Variants in STX8 observed in about 807,000 individuals in gnomAD.
STX8 encodes syntaxin-8.
Under a neutral mutation model 37.5 loss-of-function variants are expected in STX8, and 23 were observed. That is an observed-to-expected ratio of 0.61 (90% CI 0.44 to 0.87). STX8 has a LOEUF of 0.87. Ranked by LOEUF, STX8 falls within the 40% of genes least tolerant of loss-of-function variation. STX8 has a pLI of 0.00. For synonymous variants in STX8, 115 were observed against 99.1 expected (o/e 1.16, Z -0.95); for missense variants, 313 against 284.7 (o/e 1.10, Z -0.71).
rs116507832 is a variant in STX8, at chr17:9,367,704, T to C, written c.643+10848A>G. On this transcript the variant is annotated intron_variant, in intron 7 of 7. Transcript: ENST00000306357. ...ATGGTACTCACCATTAGAAGTAAAATATAGCATAATGTTAAAAAACAGAAG... is the reference window on the plus strand; with the variant it reads ...ATGGTACTCACCATTAGAAGTAAAACATAGCATAATGTTAAAAAACAGAAG... 7.6e-3 allele frequency among the ~76,000 whole-genome samples: 1,158 copies of C among 152,244 alleles called. 21 individuals carry two copies. Among genetic ancestry groups the C allele is most frequent in the African/African-American group, 0.026 (1,096 of 41,550 alleles).
intron 2 of STX8, among the ~76,000 whole-genome samples, chr17:9,562,219 C>T (rs1489934440): frequency 1.3e-5 from 2 of 151,364 alleles, no homozygotes; most frequent in Non-Finnish European, 2.9e-5. Context: ...CTGGCTAATA[C>T]GGTGAAACCC....
At chr17:9,570,720 G>C (rs1022615325) in intron 1 of STX8, among the ~76,000 whole-genome samples, 1 of 152,074 alleles carries the variant, frequency 6.6e-6, no homozygotes, top group African/African-American at 2.4e-5. Context: ...CTGGGGTCCA[G>C]ACCATACATA....
At chr17:9,458,295 G>A (rs1567569719) in intron 6 of STX8, among the ~76,000 whole-genome samples, 1 of 150,978 alleles carries the variant, frequency 6.6e-6, no homozygotes, top group Non-Finnish European at 1.5e-5. Context: ...GACTACAGGC[G>A]ACCACTGCCA....
At chr17:9,434,225 G>A (rs975006842) in intron 6 of STX8, among the ~76,000 whole-genome samples, 3 of 152,102 alleles carry the variant, frequency 2.0e-5, no homozygotes, top group African/African-American at 4.8e-5. Context: ...GGAGGGTCTC[G>A]ATCTCTGGAC....
At chr17:9,503,664 G>GC (rs992428224) in intron 5 of STX8, among the ~76,000 whole-genome samples, 1 of 151,980 alleles carries the variant, frequency 6.6e-6, no homozygotes, top group African/African-American at 2.4e-5. Context: ...GTGCCACCAG[G>GC]CCTGGCAATA....
intron 7 of STX8, among the ~76,000 whole-genome samples, chr17:9,286,954 G>C (rs1908095026): frequency 6.6e-6 from 1 of 152,126 alleles, no homozygotes. Context: ...TGTGATATGG[G>C]AATGACATTA....
At chr17:9,368,276 G>C (rs1385396376) in intron 7 of STX8, among the ~76,000 whole-genome samples, 2 of 152,042 alleles carry the variant, frequency 1.3e-5, no homozygotes, top group Admixed American at 1.3e-4. Context: ...AGGCCGAGGA[G>C]GGCCAATCAC....
At chr17:9,542,679 A>AAAATAAATAAAT (rs375475612) in intron 4 of STX8, among the ~76,000 whole-genome samples, 40 of 151,170 alleles carry the variant, frequency 2.6e-4, no homozygotes, top group African/African-American at 9.0e-4. Flanking sequence ...TCCATCTCAA[A>AAAATAAATAAAT]AAATAAATAA....
chr17:9,430,041 AAT>A (rs1262116487), intron 6 of STX8, among the ~76,000 whole-genome samples: 1 of 23,502 alleles, frequency 4.3e-5, no homozygotes, highest in East Asian at 5.4e-4. Context: ...TATTCTATAG[AAT>A]ATATATATTC....
intron 2 of STX8, among the ~76,000 whole-genome samples, chr17:9,560,128 G>C (rs1035559548): frequency 2.6e-5 from 4 of 151,156 alleles, no homozygotes; most frequent in Non-Finnish European, 3.0e-5. Context: ...GGCCAGGTGT[G>C]GTGGCTCACA....
chr17:9,526,995 A>C (rs1290529686), intron 4 of STX8, among the ~76,000 whole-genome samples: 1 of 149,568 alleles, frequency 6.7e-6, no homozygotes, highest in Non-Finnish European at 1.5e-5. Flanking sequence ...CTGGCTAACA[A>C]GGTGAAACCC....
intron 1 of STX8, among the ~76,000 whole-genome samples, chr17:9,570,978 C>T (rs1029299623): frequency 6.6e-6 from 1 of 152,118 alleles, no homozygotes; most frequent in African/African-American, 2.4e-5. Context: ...GAAACGTGCC[C>T]GGCACATTTG....
chr17:9,554,586 G>A (rs1906894620), intron 3 of STX8: 1 of 152,088 alleles, frequency 6.6e-6, no homozygotes, highest in African/African-American at 2.4e-5. Flanking sequence ...TAATATACAA[G>A]CTACCTCCTT....
chr17:9,489,468 G>A (rs555684413), intron 6 of STX8, among the ~76,000 whole-genome samples: 1 of 152,034 alleles, frequency 6.6e-6, no homozygotes, highest in Non-Finnish European at 1.5e-5. Flanking sequence ...TTTCATATGG[G>A]AACTTAGTAA....
intron 7 of STX8, among the ~76,000 whole-genome samples, chr17:9,376,755 C>T (rs541807844): frequency 7.2e-5 from 11 of 152,210 alleles, no homozygotes; most frequent in South Asian, 4.2e-4. Context: ...ATCTGAACAT[C>T]GGAAGGAACA....
intron 6 of STX8, 73 bp from the exon 7 acceptor site, chr17:9,378,726 G>A (rs1392912376): frequency 8.8e-7 from 1 of 1,133,742 alleles, no homozygotes; most frequent in Non-Finnish European, 1.3e-6. Flanking sequence ...AGCTGTGGTT[G>A]TTCATCCTAG....
chr17:9,486,653 C>A (rs1031462858), intron 6 of STX8, among the ~76,000 whole-genome samples: 1 of 151,802 alleles, frequency 6.6e-6, no homozygotes, highest in African/African-American at 2.4e-5. Flanking sequence ...GAATTCAAGA[C>A]CACTCTGGGC....
intron 7 of STX8, among the ~76,000 whole-genome samples, chr17:9,373,312 C>A (rs1022828244): frequency 2.0e-5 from 3 of 152,116 alleles, no homozygotes; most frequent in Non-Finnish European, 4.4e-5. Flanking sequence ...GCTATTTGTA[C>A]AGCAACATTT....
At chr17:9,317,771 G>GAAAAAA (rs201309652) in intron 7 of STX8, among the ~76,000 whole-genome samples, 1 of 91,962 alleles carries the variant, frequency 1.1e-5, no homozygotes, top group African/African-American at 4.2e-5. Context: ...CTCAGAAAAA[G>GAAAAAA]AAAAAAAAAA....
Sources: gnomAD v4.1 joint callset for allele counts (sites outside exome capture counted in the v4.1 genomes callset) on GRCh38, gnomAD v4.1.1 for gene constraint, MANE v1.5 for transcripts, NCBI Gene and HGNC (gene_info 2026-07-23, HGNC 2026-07-21) for gene names.